Variants in COPB1 observed in about 807,000 individuals in gnomAD.
COPB1 encodes coat protein complex I subunit beta 1.
In COPB1, 21 loss-of-function variants were observed where a neutral mutation model predicts 108.7. The ratio of observed to expected loss-of-function variants is 0.19; its 90% CI spans 0.14 to 0.28. The LOEUF is 0.28. Ranked by LOEUF, COPB1 falls within the 10% of genes least tolerant of loss-of-function variation. The pLI is 1.00. For synonymous variants in COPB1, 378 were observed against 386.8 expected, an observed-to-expected ratio of 0.98 and a Z score of 0.27; for missense variants, 919 against 1,141.3, an observed-to-expected ratio of 0.81 and a Z score of 2.81.
chr11:14,479,413 A>G (rs957653020), intron 11 of COPB1, among the ~76,000 whole-genome samples, 156 bp downstream of exon 11: 2 of 152,214 alleles, frequency 1.3e-5, no homozygotes, highest in African/African-American at 4.8e-5. Context: ...ATTATAGACT[A>G]AATGAGAGTG....
intron 14 of COPB1, 159 bp downstream of exon 14, chr11:14,474,336 A>G (rs906662364): frequency 5.6e-6 from 3 of 536,912 alleles, no homozygotes; most frequent in East Asian, 6.5e-5. Flanking sequence ...TACTTTATCA[A>G]TTTTAGAGTA....
In COPB1 at chr11:14,461,292, A is replaced by C. The variant is rs1269108928; in HGVS notation, c.2450T>G (p.Val817Gly). ...VSGAASDRNC[V>G]VLSDIHIDIM... ...GTCGATGTGAATATCACTGAGAACC[A>C]CACAATTTCTGTCACTTGCTGCTCC... Residue 817 changes from valine to glycine, a missense_variant, in exon 19 of 22, where the codon GTG becomes GGG. This residue lies in a region of COPB1 where 705 missense variants were observed against 817.8 expected (regional missense o/e 0.86). Coordinates refer to ENST00000439561, the MANE Select transcript of COPB1 (RefSeq NM_001144061.2). 1 of 1,614,172 alleles carries C rather than the reference A, an allele frequency of 6.2e-7. No homozygotes were observed. The highest frequency in any genetic ancestry group is 8.5e-7 in the Non-Finnish European group (1 of 1,180,024).
intron 13 of COPB1, among the ~76,000 whole-genome samples, chr11:14,474,966 CAAA>C (rs1850486700): frequency 6.6e-6 from 1 of 151,614 alleles, no homozygotes; most frequent in Admixed American, 6.6e-5. Context: ...CATGGTGGCA[CAAA>C]CCTGTAATCC....
intron 8 of COPB1, among the ~76,000 whole-genome samples, chr11:14,482,062 G>A (rs1310856417): frequency 1.3e-5 from 2 of 151,976 alleles, no homozygotes; most frequent in African/African-American, 2.4e-5. Context: ...AAAGTGCTGC[G>A]ATTTTAGGCA....
At chr11:14,466,718 A>C (rs973268794) in intron 16 of COPB1, among the ~76,000 whole-genome samples, 10 of 152,198 alleles carry the variant, frequency 6.6e-5, no homozygotes, top group South Asian at 2.1e-4. Context: ...GAAAAATGTT[A>C]AATATATTTA....
chr11:14,463,931 T>C (rs953466341), intron 18 of COPB1, among the ~76,000 whole-genome samples: 13 of 152,218 alleles, frequency 8.5e-5, no homozygotes, highest in Non-Finnish European at 1.6e-4. Flanking sequence ...CTTGGGCTTC[T>C]CTACTAGTTA....
At chr11:14,458,752 A>G in intron 20 of COPB1, 65 bp from the exon 21 acceptor site, 2 of 1,255,338 alleles carry the variant, frequency 1.6e-6, no homozygotes, top group Non-Finnish European at 2.2e-6. Flanking sequence ...AAAACCAAAC[A>G]GCATAGGTGA....
rs1375723721 is a variant in COPB1, at chr11:14,475,939, T to C, written c.1462A>G (p.Ile488Val). The C allele has an allele frequency of 1.3e-6, 2 of 1,598,802 alleles. No individual in the cohort carries two copies. Among genetic ancestry groups the C allele is most frequent in the Non-Finnish European group, 1.7e-6 (2 of 1,175,018 alleles). ...TCTTTCTTTATTTCTGACTCTACAA[T>C]TGGGATCTAAAAGTCAATTGGAAAC... ...EIRRSLGEIP[I>V]VESEIKKEAG... Residue 488 changes from isoleucine (I) to valine (V), a missense_variant, in exon 13 of 22, where the codon ATT becomes GTT. By Grantham distance (29) the Ile-to-Val change is conservative. This residue lies in a region of COPB1 where 705 missense variants were observed against 817.8 expected (regional missense o/e 0.86). Transcript: ENST00000439561.
chr11:14,474,455 A>G (rs1316522782), intron 14 of COPB1, 40 bp downstream of exon 14: 2 of 1,593,290 alleles, frequency 1.3e-6, no homozygotes, highest in East Asian at 2.2e-5. Context: ...TAGGCACTCA[A>G]TGTTTAATTG....
intron 6 of COPB1, among the ~76,000 whole-genome samples, chr11:14,487,432 T>C (rs1850799058): frequency 6.6e-6 from 1 of 152,114 alleles, no homozygotes; most frequent in African/African-American, 2.4e-5. Context: ...ATCTCAGCGC[T>C]TTGGGAGGCC....
intron 18 of COPB1, among the ~76,000 whole-genome samples, chr11:14,461,939 AATC>A (rs1307684645): frequency 1.3e-5 from 2 of 152,212 alleles, no homozygotes; most frequent in Admixed American, 6.5e-5. Context: ...ATATATTTTA[AATC>A]ATCTCTAGCT....
intron 7 of COPB1, among the ~76,000 whole-genome samples, chr11:14,484,741 A>G (rs1565021094): frequency 2.0e-5 from 3 of 152,170 alleles, no homozygotes; most frequent in Non-Finnish European, 4.4e-5. Flanking sequence ...AAAACAAAAA[A>G]ACAACAACAG....
At chr11:14,472,864 G>C (rs1032204714) in intron 14 of COPB1, among the ~76,000 whole-genome samples, 1 of 152,214 alleles carries the variant, frequency 6.6e-6, no homozygotes, top group African/African-American at 2.4e-5. Context: ...AGAGAGTTAA[G>C]GTCTTAGTCT....
intron 18 of COPB1, among the ~76,000 whole-genome samples, chr11:14,462,191 C>T (rs1850171128): frequency 6.7e-6 from 1 of 150,100 alleles, no homozygotes; most frequent in Admixed American, 6.7e-5. Flanking sequence ...GAGTTATAAT[C>T]TGATTGGAGC....
At chr11:14,481,499 A>G (rs569649927) in intron 8 of COPB1, among the ~76,000 whole-genome samples, 1 of 152,334 alleles carries the variant, frequency 6.6e-6, no homozygotes, top group African/African-American at 2.4e-5. Flanking sequence ...GTCCAAAATT[A>G]AGAGACTGAA....
chr11:14,486,326 A>G (rs760525554), intron 7 of COPB1, 41 bp downstream of exon 7: 1 of 1,610,644 alleles, frequency 6.2e-7, no homozygotes, highest in South Asian at 1.1e-5. Flanking sequence ...TAAGACAGAA[A>G]ATCTATCATC....
intron 8 of COPB1, among the ~76,000 whole-genome samples, 198 bp downstream of exon 8, chr11:14,482,834 C>T: frequency 6.6e-6 from 1 of 152,162 alleles, no homozygotes; most frequent in Non-Finnish European, 1.5e-5. Context: ...CCGCGTCCAG[C>T]CATTTTAGAA....
At position 14,498,687 on chromosome 11, in the gene COPB1, C is replaced by G. The variant is rs1030210974; in HGVS notation, c.91+151G>C. 4 of 565,098 alleles carry G rather than the reference C, an allele frequency of 7.1e-6. No homozygotes were observed. In the African/African-American group the frequency reaches 7.7e-5, roughly 11 times the overall value. 35.0% of individuals were successfully genotyped at this position (565,098 alleles called of 1,614,324 possible). A position where few individuals can be genotyped will look rare whatever the true frequency, so the allele number is the denominator to read the frequency against. ...CAAACAACCAATATTTAAAGAAGTTCGCATTTTTAATAAAAGGTCTATCGA... is the reference window on the plus strand; with the variant it reads ...CAAACAACCAATATTTAAAGAAGTTGGCATTTTTAATAAAAGGTCTATCGA... On this transcript the variant is annotated intron_variant, in intron 2 of 21. Coordinates refer to ENST00000439561, the MANE Select transcript of COPB1 (RefSeq NM_001144061.2).
intron 4 of COPB1, 62 bp downstream of exon 4, chr11:14,493,580 C>T (rs112390817): frequency 2.2e-6 from 3 of 1,378,992 alleles, no homozygotes; most frequent in African/African-American, 1.5e-5. Flanking sequence ...CACTTTGGAA[C>T]CACTAGTCTA....
Sources: allele counts gnomAD v4.1 joint callset (sites outside exome capture counted in the v4.1 genomes callset), GRCh38; gene constraint gnomAD v4.1.1; regional missense constraint gnomAD v4.1.1; transcripts MANE v1.5; gene names NCBI Gene and HGNC (gene_info 2026-07-23, HGNC 2026-07-21).